Variants in GALNT13 observed in about 807,000 individuals in gnomAD.
GALNT13 encodes polypeptide N-acetylgalactosaminyltransferase 13, also known as UDP-GalNAc:polypeptide N-acetylgalactosaminyltransferase 13.
A neutral mutation model predicts 64.2 loss-of-function variants in GALNT13; 28 were observed. The ratio of observed to expected loss-of-function variants is 0.44; its 90% confidence interval spans 0.32 to 0.60. The LOEUF (loss-of-function observed/expected upper bound fraction) is 0.60. Among genes scored for constraint, GALNT13 ranks in the 20% least tolerant of loss-of-function variants. The probability of loss-of-function intolerance (pLI) is 0.05; values close to 1 mark genes in which losing one functional copy is unlikely to be tolerated. For synonymous variants in GALNT13, 214 were observed against 224.6 expected (o/e 0.95, Z 0.42); for missense variants, 577 against 669.8 (o/e 0.86, Z 1.53).
chr2:153,271,508 CA>C, the GALNT13 span, among the ~76,000 whole-genome samples: 1 of 152,282 alleles, frequency 6.6e-6, no homozygotes, highest in South Asian at 2.1e-4. Context: ...AGTGAACTCA[CA>C]TTCACAATTG....
At chr2:154,424,444 C>T (rs559129296) in intron 11 of GALNT13, among the ~76,000 whole-genome samples, 4 of 152,156 alleles carry the variant, frequency 2.6e-5, no homozygotes, top group Non-Finnish European at 4.4e-5. Context: ...CACTGTCTTT[C>T]GTAACACACA....
the GALNT13 span, among the ~76,000 whole-genome samples, chr2:153,330,495 T>G: frequency 6.6e-6 from 1 of 152,224 alleles, no homozygotes; most frequent in Non-Finnish European, 1.5e-5. Context: ...CTAGGTTAGA[T>G]GTATTCCTAG....
chr2:153,765,692 G>A, the GALNT13 span, among the ~76,000 whole-genome samples: 3 of 152,058 alleles, frequency 2.0e-5, no homozygotes, highest in African/African-American at 7.2e-5. Context: ...ATGTGGGAGG[G>A]GTCAGGGGCA....
At chr2:153,890,428 C>A (rs1687475125) in intron 1 of GALNT13, among the ~76,000 whole-genome samples, 1 of 152,006 alleles carries the variant, frequency 6.6e-6, no homozygotes, top group Non-Finnish European at 1.5e-5. Flanking sequence ...TGCCATCAAA[C>A]CAGTCACTCA....
At chr2:153,388,276 T>A in the GALNT13 span, among the ~76,000 whole-genome samples, 1 of 152,094 alleles carries the variant, frequency 6.6e-6, no homozygotes, top group African/African-American at 2.4e-5. Context: ...GTTTTCACAT[T>A]TGGCTCCTCA....
chr2:153,204,810 G>T, the GALNT13 span, among the ~76,000 whole-genome samples: 1 of 152,038 alleles, frequency 6.6e-6, no homozygotes, highest in East Asian at 1.9e-4. Flanking sequence ...ATACATGCTT[G>T]TATATGGCCC....
the GALNT13 span, among the ~76,000 whole-genome samples, chr2:153,733,737 A>G: frequency 1.3e-5 from 2 of 152,200 alleles, no homozygotes; most frequent in Non-Finnish European, 2.9e-5. Context: ...AGTGGAAGCC[A>G]CTGCAGGCAT....
chr2:153,428,711 A>G, the GALNT13 span, among the ~76,000 whole-genome samples: 1 of 152,182 alleles, frequency 6.6e-6, no homozygotes, highest in African/African-American at 2.4e-5. Context: ...CAGCATAGCC[A>G]TGAGGCTAAT....
chr2:153,751,076 T>C, the GALNT13 span, among the ~76,000 whole-genome samples: 2 of 151,958 alleles, frequency 1.3e-5, no homozygotes, highest in Non-Finnish European at 2.9e-5. Flanking sequence ...CCACTGGTCA[T>C]TCAGGAGCAT....
chr2:153,110,746 C>T, the GALNT13 span, among the ~76,000 whole-genome samples: 1 of 152,084 alleles, frequency 6.6e-6, no homozygotes, highest in African/African-American at 2.4e-5. Context: ...TCCTTTATTG[C>T]GTTAATACCT....
chr2:154,192,350 C>T (rs928372049), intron 4 of GALNT13, among the ~76,000 whole-genome samples: 3 of 152,230 alleles, frequency 2.0e-5, no homozygotes, highest in South Asian at 4.1e-4. Flanking sequence ...GCCAGGAGTG[C>T]GTCCTCACCT....
the GALNT13 span, among the ~76,000 whole-genome samples, chr2:153,074,038 A>G: frequency 6.6e-6 from 1 of 152,150 alleles, no homozygotes; most frequent in African/African-American, 2.4e-5. Context: ...TCAAGTTCAA[A>G]TATTTTATCA....
the GALNT13 span, among the ~76,000 whole-genome samples, chr2:153,652,307 GAAAC>G: frequency 1.3e-5 from 2 of 152,020 alleles, no homozygotes; most frequent in Non-Finnish European, 2.9e-5. Flanking sequence ...ATAATTTTAT[GAAAC>G]AAATGGACTT....
chr2:153,313,513 C>T, the GALNT13 span, among the ~76,000 whole-genome samples: 1 of 150,394 alleles, frequency 6.6e-6, no homozygotes, highest in Non-Finnish European at 1.5e-5. Flanking sequence ...AATGGAAATA[C>T]AGAGGGGAAC....
At chr2:153,218,728 A>AG in the GALNT13 span, among the ~76,000 whole-genome samples, 1 of 152,046 alleles carries the variant, frequency 6.6e-6, no homozygotes, top group East Asian at 1.9e-4. Flanking sequence ...CTCCTTCCCC[A>AG]GGGGATCCAC....
At chr2:153,333,893 T>G in the GALNT13 span, among the ~76,000 whole-genome samples, 4 of 152,352 alleles carry the variant, frequency 2.6e-5, no homozygotes, top group African/African-American at 9.6e-5. Context: ...AATCCTCAAA[T>G]AGCCTTGTAT....
chr2:153,129,772 A>G, the GALNT13 span, among the ~76,000 whole-genome samples: 1 of 149,876 alleles, frequency 6.7e-6, no homozygotes, highest in East Asian at 2.0e-4. Context: ...CTGTCTCAAA[A>G]AAAAAAAGGA....
At chr2:153,555,262 T>G in the GALNT13 span, among the ~76,000 whole-genome samples, 1 of 133,418 alleles carries the variant, frequency 7.5e-6, no homozygotes, top group South Asian at 2.8e-4. Flanking sequence ...TGGCGCGATC[T>G]CGGCTCACTG....
At chr2:153,922,134 C>T (rs977890633) in intron 2 of GALNT13, among the ~76,000 whole-genome samples, 2 of 152,058 alleles carry the variant, frequency 1.3e-5, no homozygotes, top group African/African-American at 4.8e-5. Flanking sequence ...GATTGCTATT[C>T]TGCTGGAGTA....
Sources: gnomAD v4.1 joint callset for allele counts (sites outside exome capture counted in the v4.1 genomes callset) on GRCh38, gnomAD v4.1.1 for gene constraint, MANE v1.5 for transcripts, NCBI Gene and HGNC (gene_info 2026-07-23, HGNC 2026-07-21) for gene names.